The following SNRPF variants were observed in gnomAD, a reference collection of about 807,000 sequenced individuals.
SNRPF encodes the protein small nuclear ribonucleoprotein polypeptide F, also known as small nuclear ribonucleoprotein F.
A neutral mutation model predicts 13.4 loss-of-function variants in SNRPF; 1 was observed. The ratio of observed to expected loss-of-function variants is 0.07; its 90% CI spans 0.03 to 0.35. SNRPF has a LOEUF of 0.35. Ranked by LOEUF, SNRPF falls within the 10% of genes least tolerant of loss-of-function variation. SNRPF has a pLI of 0.99. For synonymous variants in SNRPF, 27 were observed against 32.1 expected (o/e 0.84, Z 0.54); for missense variants, 53 against 101.0 (o/e 0.52, Z 2.04).
intron 2 of SNRPF, among the ~76,000 whole-genome samples, chr12:95,864,274 G>C (rs1468746060): frequency 1.3e-5 from 2 of 151,952 alleles, no homozygotes; most frequent in African/African-American, 4.8e-5. Context: ...TTTTCCACGT[G>C]CCTAATTGTG....
chr12:95,861,582 A>C (rs1446316674), intron 2 of SNRPF: 1 of 233,134 alleles, frequency 4.3e-6, no homozygotes, highest in African/African-American at 2.4e-5. Flanking sequence ...TTGCTGGAGA[A>C]AACAAAACAT....
At chr12:95,864,272 G>A (rs1344617298) in intron 2 of SNRPF, among the ~76,000 whole-genome samples, 2 of 151,624 alleles carry the variant, frequency 1.3e-5, no homozygotes, top group African/African-American at 2.4e-5. Context: ...CCTTTTCCAC[G>A]TGCCTAATTG....
intron 1 of SNRPF, among the ~76,000 whole-genome samples, chr12:95,860,295 C>T (rs4762633): frequency 0.81 from 123,344 of 152,158 alleles, 50,526 homozygotes; most frequent in African/African-American, 0.88. Flanking sequence ...GTCCCCAAAA[C>T]CACCTTGTTG....
At chr12:95,862,083 T>C (rs759139479) in intron 2 of SNRPF, among the ~76,000 whole-genome samples, 1 of 152,242 alleles carries the variant, frequency 6.6e-6, no homozygotes, top group Non-Finnish European at 1.5e-5. Flanking sequence ...GTCTATGAAT[T>C]TGACCGTGCA....
In SNRPF at chr12:95,859,000, C is replaced by G. The variant is rs2079478789; in HGVS notation, c.-74C>G. On this transcript the variant is annotated 5_prime_UTR_variant, in exon 1 of 4. Transcript: ENST00000266735. Reference sequence around the variant, plus strand: ...AAACTGCGGCTCGGGACCTGCGGTACCTGCTGTAGTCACGAGGGACGGGCG... The same window carrying G: ...AAACTGCGGCTCGGGACCTGCGGTAGCTGCTGTAGTCACGAGGGACGGGCG... The G allele has an allele frequency of 6.9e-6, 11 of 1,599,556 alleles. 1 individual carries two copies. The South Asian group carries it at 9.0e-5, about 13-fold the overall frequency.
intron 2 of SNRPF, chr12:95,865,063 TAGAA>T (rs1327871279): frequency 4.1e-5 from 11 of 269,942 alleles, no homozygotes; most frequent in African/African-American, 1.5e-4. Flanking sequence ...TAATATCTAA[TAGAA>T]AGAAATATTA....
Position 95,861,148 on chromosome 12 carries a change from C to CT in SNRPF, c.4-14dup. The CT allele has an allele frequency of 6.3e-7, 1 of 1,590,618 alleles. No homozygotes were observed. The highest frequency in any genetic ancestry group is 2.3e-5 in the East Asian group (1 of 44,126). The stretch of plus-strand genomic sequence containing the variant: ...GGGAGGAAAAATAATTAATTAGATC[C>CT]TTTTTTGTTCTTTGTGCAGAGTTTA... On this transcript the variant is annotated intron_variant, in intron 1 of 3. Transcript: ENST00000266735.
At position 95,861,259 on chromosome 12, in the gene SNRPF, A is replaced by G; in HGVS notation, c.95A>G (p.Tyr32Cys). 1.2e-6 allele frequency: 2 copies of G among 1,612,320 alleles called. No individual in the cohort carries two copies. The highest frequency in any genetic ancestry group is 1.7e-6 in the Non-Finnish European group (2 of 1,178,932). ...AAGTGGGGAATGGAGTACAAGGGCT[A>G]TCTGGTATCTGTAGATGGCTACATG... ...KLKWGMEYKG[Y>C]LVSVDGYMNM... Residue 32 changes from tyrosine (Y) to cysteine (C), a missense_variant, in exon 2 of 4, where the codon TAT becomes TGT. Physicochemically the swap from Tyr to Cys is radical, Grantham distance 194. Coordinates refer to ENST00000266735, the MANE Select transcript of SNRPF (RefSeq NM_003095.5).
chr12:95,864,707 C>A (rs146857744), intron 2 of SNRPF, among the ~76,000 whole-genome samples: 1 of 152,198 alleles, frequency 6.6e-6, no homozygotes, highest in Non-Finnish European at 1.5e-5. Flanking sequence ...AAATTCAAGA[C>A]CAGCTTGGGC....
intron 1 of SNRPF, 118 bp downstream of exon 1, chr12:95,859,194 C>T: frequency 5.7e-6 from 5 of 882,894 alleles, no homozygotes; most frequent in Non-Finnish European, 9.3e-6. Flanking sequence ...GCGCCGCGCA[C>T]CCTGTCGCCA....
intron 2 of SNRPF, among the ~76,000 whole-genome samples, chr12:95,864,013 A>G (rs566340977): frequency 6.6e-6 from 1 of 152,342 alleles, no homozygotes; most frequent in South Asian, 2.1e-4. Context: ...TAGAAATGTT[A>G]AATGTTGTAA....
In SNRPF at chr12:95,865,963, G is replaced by C. The variant is rs750962311; in HGVS notation, c.195-42G>C. ...AATATAGTAATTCATATCATACATGGTTTCTGGTTGGAACAACAAAATCGA... is the reference window on the plus strand; with the variant it reads ...AATATAGTAATTCATATCATACATGCTTTCTGGTTGGAACAACAAAATCGA... On this transcript the variant is annotated intron_variant, in intron 3 of 3. Coordinates refer to ENST00000266735, the MANE Select transcript of SNRPF (RefSeq NM_003095.5). 31 of 853,770 alleles carry C rather than the reference G, an allele frequency of 3.6e-5. No homozygotes were observed. In the East Asian group the frequency reaches 6.3e-4, roughly 17 times the overall value. 52.9% of individuals were successfully genotyped at this position (853,770 alleles called of 1,614,324 possible). A position where few individuals can be genotyped will look rare whatever the true frequency, so the allele number is the denominator to read the frequency against.
chr12:95,865,290 G>A (rs755183485), intron 2 of SNRPF, 34 bp from the exon 3 acceptor site: 3 of 1,073,436 alleles, frequency 2.8e-6, no homozygotes, highest in Non-Finnish European at 4.3e-6. Flanking sequence ...TTCCTCCTGT[G>A]TGATTATACT....
intron 1 of SNRPF, among the ~76,000 whole-genome samples, chr12:95,859,318 C>G (rs2079482515): frequency 6.6e-6 from 1 of 152,090 alleles, no homozygotes; most frequent in South Asian, 2.1e-4. Context: ...CTGGGGTATT[C>G]TTAGTTGGGG....
intron 1 of SNRPF, 88 bp downstream of exon 1, chr12:95,859,164 T>C: frequency 8.3e-7 from 1 of 1,210,972 alleles, no homozygotes; most frequent in East Asian, 2.4e-5. Flanking sequence ...CTTCGCGCGT[T>C]TCCCATTCAT....
chr12:95,865,014 C>T (rs2079514082), intron 2 of SNRPF: 1 of 187,812 alleles, frequency 5.3e-6, no homozygotes, highest in Non-Finnish European at 1.1e-5. Context: ...TTGGACACCT[C>T]AATATGAGTT....
At chr12:95,864,601 A>C (rs556792324) in intron 2 of SNRPF, among the ~76,000 whole-genome samples, 15 of 152,344 alleles carry the variant, frequency 9.8e-5, no homozygotes, top group African/African-American at 3.1e-4. Context: ...TTATTAGTAC[A>C]TAATTAAAAA....
chr12:95,863,651 A>G (rs1165365295), intron 2 of SNRPF, among the ~76,000 whole-genome samples: 1 of 152,260 alleles, frequency 6.6e-6, no homozygotes. Context: ...AGGTGGTAAT[A>G]TAATGTGATA....
At position 95,858,985 on chromosome 12, in the gene SNRPF, T is replaced by TCGGGACCTG. The variant is rs1340619101; in HGVS notation, c.-85_-77dup. On this transcript the variant is annotated 5_prime_UTR_variant, in exon 1 of 4. Transcript: ENST00000266735. ...CGGCCATTTCTCTTGAAACTGCGGC[T>TCGGGACCTG]CGGGACCTGCGGTACCTGCTGTAGT... 1 of 1,588,566 alleles carries TCGGGACCTG rather than the reference T, an allele frequency of 6.3e-7. No homozygotes were observed. The highest frequency in any genetic ancestry group is 8.6e-7 in the Non-Finnish European group (1 of 1,169,050).
Sources: allele counts gnomAD v4.1 joint callset (sites outside exome capture counted in the v4.1 genomes callset), GRCh38; gene constraint gnomAD v4.1.1; transcripts MANE v1.5; gene names NCBI Gene and HGNC (gene_info 2026-07-23, HGNC 2026-07-21).